The following VAV3 variants were observed in gnomAD, a reference collection of about 807,000 sequenced individuals.
The protein encoded by VAV3 is guanine nucleotide exchange factor VAV3.
A neutral mutation model predicts 131.2 loss-of-function variants in VAV3; 94 were observed. The ratio of observed to expected loss-of-function variants is 0.72; its 90% CI spans 0.61 to 0.85. The LOEUF (loss-of-function observed/expected upper bound fraction) is 0.85, where lower values mean the gene tolerates loss of function less well. Ranked by LOEUF, VAV3 falls within the 40% of genes least tolerant of loss-of-function variation. The pLI, the probability that VAV3 is intolerant of heterozygous loss-of-function variation, is 0.00. For synonymous variants in VAV3, 349 were observed against 342.0 expected, an observed-to-expected ratio of 1.02 and a Z score of -0.22; for missense variants, 939 against 1,002.7, an observed-to-expected ratio of 0.94 and a Z score of 0.86.
At chr1:107,716,281 A>G (rs1387311516) in intron 15 of VAV3, among the ~76,000 whole-genome samples, 1 of 152,218 alleles carries the variant, frequency 6.6e-6, no homozygotes. Flanking sequence ...AAAAAGGCAT[A>G]TTCACTATAA....
chr1:107,681,835 T>C (rs1241004351), intron 19 of VAV3, among the ~76,000 whole-genome samples: 1 of 152,000 alleles, frequency 6.6e-6, no homozygotes, highest in East Asian at 1.9e-4. Flanking sequence ...TTTTTGCTTG[T>C]ATTTTTAGTA....
At chr1:107,874,641 T>C (rs1670401230) in intron 2 of VAV3, among the ~76,000 whole-genome samples, 1 of 152,164 alleles carries the variant, frequency 6.6e-6, no homozygotes. Context: ...CCTCCCTGTA[T>C]ACTATTTTAA....
At chr1:107,674,898 T>C (rs1166489736) in intron 19 of VAV3, among the ~76,000 whole-genome samples, 1 of 152,154 alleles carries the variant, frequency 6.6e-6, no homozygotes, top group Non-Finnish European at 1.5e-5. Context: ...GCATCCATGG[T>C]GAGTAGGTCC....
intron 21 of VAV3, among the ~76,000 whole-genome samples, chr1:107,614,110 T>G (rs772482572): frequency 2.0e-5 from 3 of 152,012 alleles, no homozygotes; most frequent in Non-Finnish European, 4.4e-5. Flanking sequence ...GTGGGATGGG[T>G]TTTCTCCTAG....
chr1:107,958,950 T>C (rs1674950717), intron 1 of VAV3, among the ~76,000 whole-genome samples: 1 of 152,080 alleles, frequency 6.6e-6, no homozygotes, highest in Non-Finnish European at 1.5e-5. Context: ...AAAATAAGAA[T>C]TGTGTCATAA....
intron 17 of VAV3, among the ~76,000 whole-genome samples, chr1:107,692,792 C>T (rs919921446): frequency 6.6e-6 from 1 of 152,134 alleles, no homozygotes; most frequent in Non-Finnish European, 1.5e-5. Flanking sequence ...AAATGGGGAT[C>T]TGCTTCAGTT....
At chr1:107,746,720 C>T (rs774362664) in intron 15 of VAV3, among the ~76,000 whole-genome samples, 4 of 152,102 alleles carry the variant, frequency 2.6e-5, no homozygotes, top group Admixed American at 6.6e-5. Context: ...GTAACAGAAG[C>T]GAGTGGTATT....
At chr1:107,598,629 T>C (rs928233018) in intron 24 of VAV3, among the ~76,000 whole-genome samples, 2 of 152,138 alleles carry the variant, frequency 1.3e-5, no homozygotes, top group African/African-American at 4.8e-5. Flanking sequence ...CAAAAGACCA[T>C]GTAGAAGTTT....
At chr1:107,958,971 T>C (rs1674952110) in intron 1 of VAV3, among the ~76,000 whole-genome samples, 1 of 152,134 alleles carries the variant, frequency 6.6e-6, no homozygotes, top group African/African-American at 2.4e-5. Flanking sequence ...GAAAATAAAC[T>C]ATATCTAGGC....
chr1:107,769,909 G>A (rs1664944071), intron 6 of VAV3, among the ~76,000 whole-genome samples: 3 of 152,058 alleles, frequency 2.0e-5, no homozygotes, highest in Non-Finnish European at 2.9e-5. Context: ...TTGTCATCTC[G>A]ATTAACACAA....
chr1:107,706,022 G>T (rs140785700), intron 15 of VAV3, among the ~76,000 whole-genome samples: 157 of 152,208 alleles, frequency 1.0e-3, no homozygotes, highest in African/African-American at 3.7e-3. Context: ...TAGCTATTTA[G>T]GTTGCTGCAA....
chr1:107,586,690 A>G (rs1650523241), intron 25 of VAV3, among the ~76,000 whole-genome samples: 1 of 152,072 alleles, frequency 6.6e-6, no homozygotes, highest in Non-Finnish European at 1.5e-5. Context: ...AAAGGAAGGA[A>G]TGAAGAGGTA....
chr1:107,828,679 AGCC>A (rs1668117055), intron 2 of VAV3, among the ~76,000 whole-genome samples: 1 of 152,118 alleles, frequency 6.6e-6, no homozygotes, highest in South Asian at 2.1e-4. Flanking sequence ...TCTCTCTCCA[AGCC>A]AGTTGGAAAA....
At chr1:107,752,451 T>C (rs1663795703) in intron 12 of VAV3, among the ~76,000 whole-genome samples, 1 of 152,344 alleles carries the variant, frequency 6.6e-6, no homozygotes, top group South Asian at 2.1e-4. Context: ...TCGAGATTGA[T>C]AAATGGGACT....
intron 2 of VAV3, among the ~76,000 whole-genome samples, chr1:107,819,788 G>A (rs1667716835): frequency 1.3e-5 from 2 of 152,038 alleles, no homozygotes; most frequent in Non-Finnish European, 2.9e-5. Context: ...TATGATAACA[G>A]TTGTTATAAA....
At position 107,845,799 on chromosome 1, in the gene VAV3, G is replaced by A. The variant is rs114086021; in HGVS notation, c.321+29102C>T. Among the ~76,000 whole-genome samples, 782 of 152,216 alleles carry A rather than the reference G, an allele frequency of 5.1e-3. 9 individuals carry two copies. The highest frequency in any genetic ancestry group is 0.017 in the African/African-American group (722 of 41,538). ...AAGACTCCAACAAATATGAAACTAC[G>A]TGAAAAGACCAAACCTACATTTGAT... On this transcript the variant is annotated intron_variant, in intron 2 of 26. Transcript: ENST00000370056.
At chr1:107,928,200 T>C (rs369564839) in intron 1 of VAV3, among the ~76,000 whole-genome samples, 10 of 152,138 alleles carry the variant, frequency 6.6e-5, no homozygotes, top group African/African-American at 2.4e-4. Flanking sequence ...AACCACAGCA[T>C]TACTGGGTTT....
chr1:107,710,676 A>G (rs1437391913), intron 15 of VAV3, among the ~76,000 whole-genome samples: 2 of 152,168 alleles, frequency 1.3e-5, no homozygotes, highest in African/African-American at 4.8e-5. Flanking sequence ...TAAGCCTACT[A>G]CTTAAGTTAA....
intron 1 of VAV3, among the ~76,000 whole-genome samples, chr1:107,921,780 T>C (rs1672910876): frequency 1.3e-5 from 2 of 152,244 alleles, no homozygotes; most frequent in Admixed American, 6.5e-5. Context: ...TGTAACATTC[T>C]AAGAAAATTT....
Sources: gnomAD v4.1 joint callset for allele counts (sites outside exome capture counted in the v4.1 genomes callset) on GRCh38, gnomAD v4.1.1 for gene constraint, MANE v1.5 for transcripts, NCBI Gene and HGNC (gene_info 2026-07-23, HGNC 2026-07-21) for gene names.